The following KANK1 variants were observed in gnomAD, a reference collection of about 807,000 sequenced individuals.
KANK1 encodes KN motif and ankyrin repeat domains 1.
Under a neutral mutation model 106.2 loss-of-function variants are expected in KANK1, and 109 were observed. The observed-to-expected ratio is 1.03, with a 90% CI of 0.88 to 1.20. KANK1 has a LOEUF of 1.20. KANK1 is among the 50% of genes most tolerant of loss of function. The pLI, the probability that KANK1 is intolerant of heterozygous loss-of-function variation, is 0.00. For synonymous variants in KANK1, 873 were observed against 652.2 expected, an observed-to-expected ratio of 1.34 and a Z score of -5.16; for missense variants, 2,399 against 1,710.7, an observed-to-expected ratio of 1.40 and a Z score of -7.10.
intron 3 of KANK1, among the ~76,000 whole-genome samples, chr9:485,353 A>G (rs1008045282): frequency 5.3e-5 from 8 of 152,262 alleles, no homozygotes; most frequent in Non-Finnish European, 1.0e-4. Flanking sequence ...CATTTAAAGT[A>G]TACAATTCAA....
At chr9:495,032 G>A (rs1232210413) in intron 3 of KANK1, among the ~76,000 whole-genome samples, 1 of 152,216 alleles carries the variant, frequency 6.6e-6, no homozygotes, top group African/African-American at 2.4e-5. Flanking sequence ...AAGTAACTAG[G>A]TGAACTTACT....
At chr9:546,271 C>A (rs2060924677) in intron 1 of KANK1, among the ~76,000 whole-genome samples, 1 of 151,902 alleles carries the variant, frequency 6.6e-6, no homozygotes, top group African/African-American at 2.4e-5. Flanking sequence ...TTGGCAATAT[C>A]CGAAGAAATT....
intron 1 of KANK1, among the ~76,000 whole-genome samples, chr9:565,549 A>C (rs1226117749): frequency 1.3e-5 from 2 of 152,176 alleles, no homozygotes; most frequent in African/African-American, 4.8e-5. Flanking sequence ...AGGTTTTTCA[A>C]GGATAGTTCG....
chr9:666,995 C>G (rs1254003308), intron 1 of KANK1, among the ~76,000 whole-genome samples: 1 of 45,816 alleles, frequency 2.2e-5, no homozygotes, highest in African/African-American at 7.0e-5. Flanking sequence ...ATTCCTTCCT[C>G]TTCAATTTTT....
At chr9:550,369 T>C (rs2061202683) in intron 1 of KANK1, among the ~76,000 whole-genome samples, 1 of 152,192 alleles carries the variant, frequency 6.6e-6, no homozygotes, top group Admixed American at 6.5e-5. Flanking sequence ...CCTTTTTCCC[T>C]GCATCCGTAC....
chr9:578,425 T>C (rs762334885), intron 1 of KANK1, among the ~76,000 whole-genome samples: 8 of 152,130 alleles, frequency 5.3e-5, no homozygotes, highest in Middle Eastern at 3.4e-3. Context: ...CCACAGACAA[T>C]TAAATGTTTC....
chr9:716,989 G>T (rs1187768233), intron 3 of KANK1, among the ~76,000 whole-genome samples: 3 of 150,334 alleles, frequency 2.0e-5, no homozygotes, highest in African/African-American at 4.9e-5. Flanking sequence ...TCTGTGGGTG[G>T]GGGTGGTGGG....
intron 1 of KANK1, among the ~76,000 whole-genome samples, chr9:627,427 G>T (rs1188696446): frequency 1.3e-5 from 2 of 152,092 alleles, no homozygotes; most frequent in African/African-American, 4.8e-5. Flanking sequence ...TGGAAGCATT[G>T]TGCCCAGGAG....
intron 3 of KANK1, among the ~76,000 whole-genome samples, chr9:482,612 T>C (rs2058225142): frequency 6.6e-6 from 1 of 152,224 alleles, no homozygotes; most frequent in African/African-American, 2.4e-5. Flanking sequence ...CTCCAAAAAC[T>C]GACTACAATC....
intron 1 of KANK1, among the ~76,000 whole-genome samples, chr9:666,278 T>C (rs1460282682): frequency 6.6e-6 from 1 of 152,232 alleles, no homozygotes; most frequent in African/African-American, 2.4e-5. Context: ...ACTATTGGTA[T>C]ATATAAATGC....
intron 1 of KANK1, among the ~76,000 whole-genome samples, chr9:525,896 T>A (rs907877423): frequency 5.3e-5 from 8 of 151,716 alleles, no homozygotes; most frequent in Non-Finnish European, 1.0e-4. Flanking sequence ...AAAAATGCAT[T>A]TGTCACCCAG....
chr9:506,718 C>G (rs557183525), intron 1 of KANK1, among the ~76,000 whole-genome samples: 2 of 152,096 alleles, frequency 1.3e-5, no homozygotes, highest in Non-Finnish European at 2.9e-5. Flanking sequence ...AGTATCAGTT[C>G]ACAAATAGTT....
intron 1 of KANK1, among the ~76,000 whole-genome samples, chr9:515,907 T>G (rs2059259726): frequency 6.6e-6 from 1 of 151,816 alleles, no homozygotes. Flanking sequence ...TCGTTTTGAT[T>G]TATTTCCTGT....
chr9:680,448 A>T (rs1434633599), intron 2 of KANK1, among the ~76,000 whole-genome samples: 1 of 152,230 alleles, frequency 6.6e-6, no homozygotes, highest in Non-Finnish European at 1.5e-5. Context: ...TTAATGCTGT[A>T]ATTTGTAAAA....
In KANK1 at chr9:730,120, C is replaced by G. The variant is rs1306335767; in HGVS notation, c.2768C>G (p.Ser923Cys). 3 of 1,614,046 alleles carry G rather than the reference C, an allele frequency of 1.9e-6. No individual in the cohort carries two copies. Among genetic ancestry groups the G allele is most frequent in the East Asian group, 2.2e-5 (1 of 44,888 alleles). The change falls in exon 4 of 12, where the codon TCC (serine) becomes TGC (cysteine). Residue 923 changes from serine (S) to cysteine (C), a missense_variant. By Grantham distance (112) the Ser-to-Cys change is moderately radical. Transcript: ENST00000382297. ...GGAAGTCCCTTAAGCTCCCAGACAT[C>G]CCAGCCTGAGCAAGAAGTGGGGACC... The part of the protein sequence containing the change: ...QSGSPLSSQT[S>C]QPEQEVGTSE...
At position 518,341 on chromosome 9, in the gene KANK1, G is replaced by A. The variant is rs200523373; in HGVS notation, c.-84+13587G>A. On this transcript the variant is annotated intron_variant, in intron 1 of 11. Transcript: ENST00000382297. Reference sequence around the variant, plus strand: ...ATGTTGAAGTCTGTATTTAAGCTCCGCTCCCAGGCTGGGTTGTGTCATCCC... The same window carrying A: ...ATGTTGAAGTCTGTATTTAAGCTCCACTCCCAGGCTGGGTTGTGTCATCCC... Among the ~76,000 whole-genome samples, 15 of 151,670 alleles carry A rather than the reference G, an allele frequency of 9.9e-5. 1 individual carries two copies. Among genetic ancestry groups the A allele is most frequent in the South Asian group, 2.1e-4 (1 of 4,822 alleles).
At chr9:726,576 T>C (rs902309851) in intron 3 of KANK1, among the ~76,000 whole-genome samples, 1 of 151,462 alleles carries the variant, frequency 6.6e-6, no homozygotes, top group African/African-American at 2.4e-5. Flanking sequence ...AAGGCGCAGG[T>C]TGCAGTGAGC....
chr9:639,727 T>C (rs1237822438), intron 1 of KANK1, among the ~76,000 whole-genome samples: 3 of 152,216 alleles, frequency 2.0e-5, no homozygotes, highest in African/African-American at 7.2e-5. Context: ...AACAAAATGC[T>C]ACAGACTGTG....
intron 9 of KANK1, 122 bp downstream of exon 9, chr9:741,056 G>A (rs1188458031): frequency 5.4e-6 from 6 of 1,105,216 alleles, no homozygotes; most frequent in Non-Finnish European, 7.7e-6. Context: ...TTGTTTGCAG[G>A]CCTGCCCTGA....
Sources: gnomAD v4.1 joint callset for allele counts (sites outside exome capture counted in the v4.1 genomes callset) on GRCh38, gnomAD v4.1.1 for gene constraint, MANE v1.5 for transcripts, NCBI Gene and HGNC (gene_info 2026-07-23, HGNC 2026-07-21) for gene names.